The following INTS7 variants were observed in gnomAD, a reference collection of about 807,000 sequenced individuals.
The protein encoded by INTS7 is chromosome 1 open reading frame 73.
In INTS7, 46 loss-of-function variants were observed where a neutral mutation model predicts 109.2. The ratio of observed to expected loss-of-function variants is 0.42; its 90% CI spans 0.33 to 0.54. The LOEUF (loss-of-function observed/expected upper bound fraction) is 0.54, where lower values mean the gene tolerates loss of function less well. INTS7 is among the 20% of genes least tolerant of loss of function. INTS7 has a pLI of 0.07. For synonymous variants in INTS7, 412 were observed against 402.9 expected, an observed-to-expected ratio of 1.02 and a Z score of -0.27; for missense variants, 929 against 1,132.4, an observed-to-expected ratio of 0.82 and a Z score of 2.58.
chr1:211,944,143 T>C (rs967350646), intron 19 of INTS7, among the ~76,000 whole-genome samples: 18 of 152,228 alleles, frequency 1.2e-4, no homozygotes, highest in Middle Eastern at 3.4e-3. Context: ...TTTTTAATGA[T>C]AAAATTTACT....
chr1:211,998,820 C>CA (rs1206011874), intron 7 of INTS7, among the ~76,000 whole-genome samples: 1 of 151,536 alleles, frequency 6.6e-6, no homozygotes, highest in Admixed American at 6.6e-5. Flanking sequence ...AACAAAAAGA[C>CA]AAAAAAACCT....
intron 1 of INTS7, among the ~76,000 whole-genome samples, chr1:212,032,563 G>C (rs1415901751): frequency 6.8e-6 from 1 of 146,382 alleles, no homozygotes. Flanking sequence ...TGGAAGCCCC[G>C]CCTCCCAGGT....
At chr1:212,014,765 C>CA (rs1303500629) in intron 4 of INTS7, among the ~76,000 whole-genome samples, 1 of 152,140 alleles carries the variant, frequency 6.6e-6, no homozygotes, top group African/African-American at 2.4e-5. Context: ...GGCTGGTCTC[C>CA]AGCTCCTGAC....
rs575883529 is a variant in INTS7, at chr1:211,940,549, C to T, written c.*1275G>A. ...TGTTTAGAAATCGTGATCCTGAAGC[C>T]CTAAATGATCCCCAATCAAAAAGCA... is the stretch of plus-strand genomic sequence containing the variant. On this transcript the variant is annotated 3_prime_UTR_variant, in exon 20 of 20. Coordinates refer to ENST00000366994, the MANE Select transcript of INTS7 (RefSeq NM_015434.4). 2.6e-5 allele frequency: 4 copies of T among 152,076 alleles called. No individual in the cohort carries two copies. Among genetic ancestry groups the T allele is most frequent in the South Asian group, 2.1e-4 (1 of 4,826 alleles). The allele number at this position is 152,076 out of a possible 1,614,324, so 9.4% of individuals were successfully genotyped here. A position where few individuals can be genotyped will look rare whatever the true frequency, so the allele number is the denominator to read the frequency against.
intron 13 of INTS7, among the ~76,000 whole-genome samples, chr1:211,968,939 G>A (rs1438404395): frequency 6.6e-6 from 1 of 152,136 alleles, no homozygotes; most frequent in African/African-American, 2.4e-5. Flanking sequence ...GTTCCTTACT[G>A]CCTACATTCA....
chr1:212,020,328 A>G, intron 2 of INTS7, 60 bp from the exon 3 acceptor site: 2 of 968,674 alleles, frequency 2.1e-6, no homozygotes, highest in South Asian at 3.5e-5. Context: ...TAGGAACCAA[A>G]GCAACACTAA....
At chr1:211,965,339 A>G (rs1327417830) in intron 16 of INTS7, among the ~76,000 whole-genome samples, 4 of 152,174 alleles carry the variant, frequency 2.6e-5, no homozygotes, top group South Asian at 2.1e-4. Context: ...ACCCTTATAC[A>G]CTGTTGGCGG....
intron 3 of INTS7, among the ~76,000 whole-genome samples, chr1:212,018,793 G>A (rs188123888): frequency 5.6e-4 from 85 of 152,164 alleles, no homozygotes; most frequent in Non-Finnish European, 7.6e-4. Context: ...TTATACAGTA[G>A]TTCACCAATA....
chr1:212,025,961 G>C (rs1201982367), intron 1 of INTS7, among the ~76,000 whole-genome samples: 1 of 152,136 alleles, frequency 6.6e-6, no homozygotes, highest in Non-Finnish European at 1.5e-5. Flanking sequence ...TTCAAGACCA[G>C]CCTGGGCAAC....
intron 17 of INTS7, among the ~76,000 whole-genome samples, chr1:211,947,665 C>A (rs983387301): frequency 4.6e-5 from 7 of 152,152 alleles, no homozygotes; most frequent in African/African-American, 1.4e-4. Context: ...GCTGAGGGTC[C>A]CAGCCGCTTA....
intron 9 of INTS7, among the ~76,000 whole-genome samples, chr1:211,981,966 C>T (rs1664688107): frequency 6.6e-6 from 1 of 152,018 alleles, no homozygotes; most frequent in Non-Finnish European, 1.5e-5. Flanking sequence ...AGAGTAAAGG[C>T]TAGTGAAGGT....
intron 9 of INTS7, among the ~76,000 whole-genome samples, chr1:211,981,873 A>C (rs1664683995): frequency 6.6e-6 from 1 of 152,216 alleles, no homozygotes; most frequent in Admixed American, 6.5e-5. Context: ...TTGTGATGCC[A>C]ATATAAAACA....
At chr1:211,969,542 T>G (rs1264945342) in intron 13 of INTS7, among the ~76,000 whole-genome samples, 1 of 143,348 alleles carries the variant, frequency 7.0e-6, no homozygotes, top group Non-Finnish European at 1.5e-5. Context: ...TTCTTTTTCT[T>G]TTTCTTTTCT....
chr1:212,020,902 C>G, intron 2 of INTS7, 181 bp downstream of exon 2: 1 of 642,974 alleles, frequency 1.6e-6, no homozygotes, highest in Non-Finnish European at 2.4e-6. Flanking sequence ...CTAAATTATA[C>G]TCTTCATTTT....
At chr1:211,995,175 T>C (rs1665326218) in intron 7 of INTS7, among the ~76,000 whole-genome samples, 1 of 151,918 alleles carries the variant, frequency 6.6e-6, no homozygotes, top group South Asian at 2.1e-4. Flanking sequence ...TTTAACTCAC[T>C]AGAGGAAGAC....
intron 19 of INTS7, among the ~76,000 whole-genome samples, chr1:211,944,488 C>T (rs902720492): frequency 1.3e-5 from 2 of 152,186 alleles, no homozygotes; most frequent in Non-Finnish European, 2.9e-5. Context: ...CAGGGGTCTA[C>T]GGTTAGAAAG....
Position 211,940,611 on chromosome 1 carries a change from T to G in INTS7, c.*1213A>C, listed in dbSNP as rs974568750. The G allele has an allele frequency of 1.3e-5, 2 of 152,212 alleles. No homozygotes were observed. Among genetic ancestry groups the G allele is most frequent in the African/African-American group, 4.8e-5 (2 of 41,454 alleles). The allele number at this position is 152,212 out of a possible 1,614,324, so 9.4% of individuals were successfully genotyped here. A position where few individuals can be genotyped will look rare whatever the true frequency, so the allele number is the denominator to read the frequency against. The stretch of plus-strand genomic sequence containing the variant: ...TCTACCATACTGTGCTAAGAAAGTC[T>G]ATTTTATCATGGTTTTCAACCAGAA... On this transcript the variant is annotated 3_prime_UTR_variant, in exon 20 of 20. Transcript: ENST00000366994.
chr1:211,973,354 A>G (rs1462593947), intron 13 of INTS7, among the ~76,000 whole-genome samples: 1 of 152,206 alleles, frequency 6.6e-6, no homozygotes, highest in Non-Finnish European at 1.5e-5. Flanking sequence ...GCTAATATAA[A>G]CACTTTTTAT....
At chr1:211,980,167 T>C (rs1664594974) in intron 10 of INTS7, among the ~76,000 whole-genome samples, 2 of 151,834 alleles carry the variant, frequency 1.3e-5, no homozygotes, top group South Asian at 4.1e-4. Flanking sequence ...GCCAAACACA[T>C]GTTGTCTACT....
Sources: allele counts gnomAD v4.1 joint callset (sites outside exome capture counted in the v4.1 genomes callset), GRCh38; gene constraint gnomAD v4.1.1; transcripts MANE v1.5; gene names NCBI Gene and HGNC (gene_info 2026-07-23, HGNC 2026-07-21).